BSN: variants seen among roughly 807,000 people sequenced by gnomAD.
The protein encoded by BSN is protein bassoon.
A neutral mutation model predicts 264.8 loss-of-function variants in BSN; 57 were observed. That is an observed-to-expected ratio of 0.22 (90% confidence interval 0.17 to 0.27). The LOEUF (loss-of-function observed/expected upper bound fraction) is 0.27. Ranked by LOEUF, BSN falls within the 10% of genes least tolerant of loss-of-function variation. The pLI, the probability that BSN is intolerant of heterozygous loss-of-function variation, is 1.00. For missense variants in BSN, 4,615 were observed against 5,232.5 expected, an observed-to-expected ratio of 0.88 and a Z score of 3.64; for synonymous variants, 2,059 against 2,137.3, an observed-to-expected ratio of 0.96 and a Z score of 1.01.
intron 1 of BSN, among the ~76,000 whole-genome samples, chr3:49,563,382 G>A (rs2051729886): frequency 6.6e-6 from 1 of 152,210 alleles, no homozygotes; most frequent in Admixed American, 6.5e-5. Context: ...TATCTCCTGA[G>A]TGTTGTTCCA....
Position 49,624,982 on chromosome 3 carries a change from C to A in BSN, c.232C>A (p.Arg78=). Residue 78 remains arginine (R), a synonymous_variant, in exon 2 of 12, where the codon CGG becomes AGG. Transcript: ENST00000296452. ...GPGPGPGSTS[R]RLDPKEPLGN... ...TTTTCAATGTCATTTCAGCACTTCC[C>A]GGAGACTGGACCCCAAGGAACCCCT... 1.3e-6 allele frequency: 2 copies of A among 1,515,522 alleles called. No homozygotes were observed. Among genetic ancestry groups the A allele is most frequent in the Non-Finnish European group, 1.8e-6 (2 of 1,132,738 alleles). 93.9% of individuals were successfully genotyped at this position (1,515,522 alleles called of 1,614,324 possible).
chr3:49,650,783 C>G lies in BSN; in HGVS notation c.1690C>G (p.Pro564Ala). 1 of 1,613,812 alleles carries G rather than the reference C, an allele frequency of 6.2e-7. No homozygotes were observed. Residue 564 changes from proline (P) to alanine (A), a missense_variant, in exon 4 of 12, where the codon CCT (proline) becomes GCT (alanine). This residue lies in a region of BSN where 1,197 missense variants were observed against 1,348.0 expected (regional missense o/e 0.89). Transcript: ENST00000296452. Reference protein sequence around the residue: ...KQKGPQGLGQPSGPLPAKASP... With the variant: ...KQKGPQGLGQASGPLPAKASP... ...GAAAGGGCCACAGGGGCTGGGCCAG[C>G]CTTCAGGCCCCCTGCCTGCCAAGGC...
chr3:49,579,978 T>C (rs895496996), intron 1 of BSN, among the ~76,000 whole-genome samples: 1 of 152,224 alleles, frequency 6.6e-6, no homozygotes, highest in African/African-American at 2.4e-5. Flanking sequence ...ATCCTTTCTA[T>C]ATGTCACCGG....
At chr3:49,635,567 A>G (rs1196556997) in intron 2 of BSN, among the ~76,000 whole-genome samples, 1 of 152,214 alleles carries the variant, frequency 6.6e-6, no homozygotes, top group Admixed American at 6.5e-5. Context: ...CAAAGCCACT[A>G]TCTGGATTTA....
In BSN at chr3:49,643,006, A is replaced by G; in HGVS notation, c.1372A>G (p.Met458Val). Residue 458 changes from methionine (M) to valine (V), a missense_variant, in exon 3 of 12, where the codon ATG becomes GTG. Around this residue, in one of 3 missense-constraint regions of BSN, gnomAD observed 1,197 missense variants for 1,348.0 expected, o/e 0.89. Coordinates refer to ENST00000296452, the MANE Select transcript of BSN (RefSeq NM_003458.4). ...GAAGGCTGCTGCCAAGCCAAAGACC[A>G]TGCCGAAGGAAAGGGCCATCTGCCC... ...ASKAAAKPKT[M>V]PKERAICPLC... 1 of 1,614,108 alleles carries G rather than the reference A, an allele frequency of 6.2e-7. No individual in the cohort carries two copies. The highest frequency in any genetic ancestry group is 8.5e-7 in the Non-Finnish European group (1 of 1,180,028).
chr3:49,557,005 A>G (rs1425148681), intron 1 of BSN, among the ~76,000 whole-genome samples: 2 of 152,182 alleles, frequency 1.3e-5, no homozygotes, highest in African/African-American at 2.4e-5. Context: ...CCCAGGCTGA[A>G]TTAGTCTTTT....
At position 49,625,206 on chromosome 3, in the gene BSN, C is replaced by T; in HGVS notation, c.456C>T (p.Pro152=). Residue 152 remains proline, a synonymous_variant, in exon 2 of 12, where the codon CCC becomes CCT. Transcript: ENST00000296452. This position sits in a 1 kb window ranked among gnomAD's most constrained non-coding sequence, Gnocchi z 4.4. Reference sequence around the variant, plus strand: ...TGTCACCGGACAGAGGCAGCACCCCCACATCACCCTACTCCGTCCCTCAGA... The same window carrying T: ...TGTCACCGGACAGAGGCAGCACCCCTACATCACCCTACTCCGTCCCTCAGA... ...PSVSPDRGST[P]TSPYSVPQIA... is the part of the protein sequence containing the mutation. The T allele has an allele frequency of 6.4e-7, 1 of 1,561,190 alleles. No homozygotes were observed. Among genetic ancestry groups the T allele is most frequent in the Non-Finnish European group, 8.7e-7 (1 of 1,152,954 alleles).
intron 1 of BSN, among the ~76,000 whole-genome samples, chr3:49,565,765 AATACCCAGTCC>A (rs2051747810): frequency 6.6e-6 from 1 of 152,174 alleles, no homozygotes; most frequent in African/African-American, 2.4e-5. Context: ...ACTATAACCC[AATACCCAGTCC>A]ATATTTAATT....
rs1169492904 is a variant in BSN, at chr3:49,653,159, G to A, written c.3603G>A (p.Gln1201=). The A allele has an allele frequency of 2.5e-6, 4 of 1,612,438 alleles. No homozygotes were observed. The highest frequency in any genetic ancestry group is 1.3e-5 in the African/African-American group (1 of 74,880). Reference sequence around the variant, plus strand: ...GCAAAGCTGAGCTGCTCCAGAGGCAGCAAGGCCAGGCAGCAGGGGCCCGGG... The same window carrying A: ...GCAAAGCTGAGCTGCTCCAGAGGCAACAAGGCCAGGCAGCAGGGGCCCGGG... The part of the protein sequence containing the change: ...MMRKAELLQR[Q]QGQAAGARGP... Residue 1201 remains glutamine, a synonymous_variant, in exon 5 of 12, where the codon CAG becomes CAA. Transcript: ENST00000296452. This position sits in a 1 kb window ranked among gnomAD's most constrained non-coding sequence, Gnocchi z 6.3.
rs769512110 is a variant in BSN, at chr3:49,661,821, A to T, written c.9976A>T (p.Arg3326Trp). 3.1e-6 allele frequency: 5 copies of T among 1,613,626 alleles called. No individual in the cohort carries two copies. In the East Asian group the frequency reaches 1.1e-4, roughly 36 times the overall value. The change falls in exon 6 of 12, where the codon AGG becomes TGG. Residue 3326 changes from arginine to tryptophan, a missense_variant. By Grantham distance (101) the Arg-to-Trp change is moderately radical (BLOSUM62 -3). Transcript: ENST00000296452. ...CCACTACTATGGTGACAGTGACTAC[A>T]GGCATGGGGCTCGAGTAGAGAAGTA... ...STHYYGDSDYRHGARVEKYGP... is the reference protein window; with the variant it reads ...STHYYGDSDYWHGARVEKYGP...
At chr3:49,616,049 A>G (rs1229973333) in intron 1 of BSN, among the ~76,000 whole-genome samples, 2 of 152,232 alleles carry the variant, frequency 1.3e-5, no homozygotes, top group African/African-American at 4.8e-5. Context: ...TTTATAAAAA[A>G]TATGCATTTA....
rs146570799 is a variant in BSN at position 49,663,460 on chromosome 3, C to A, written c.11302C>A (p.Pro3768Thr). 1 of 1,612,886 alleles carries A rather than the reference C, an allele frequency of 6.2e-7. No individual in the cohort carries two copies. Among genetic ancestry groups the A allele is most frequent in the Non-Finnish European group, 8.5e-7 (1 of 1,180,012 alleles). Residue 3768 changes from proline (P) to threonine (T), a missense_variant, in exon 7 of 12, where the codon CCC becomes ACC. Physicochemically the swap from Pro to Thr is conservative, Grantham distance 38. Around this residue, in one of 3 missense-constraint regions of BSN, gnomAD observed 3,415 missense variants for 3,866.4 expected, o/e 0.88. Coordinates refer to ENST00000296452, the MANE Select transcript of BSN (RefSeq NM_003458.4). ...QSQSPSSRQI[P>T]SGAASRQPQT... ...ACAGTCACCATCATCCAGGCAAATA[C>A]CCTCTGGGGCAGCATCACGCCAGCC...
intron 3 of BSN, among the ~76,000 whole-genome samples, chr3:49,649,672 C>T (rs2052525927): frequency 6.6e-6 from 1 of 152,210 alleles, no homozygotes; most frequent in South Asian, 2.1e-4. Context: ...CTGGGGGCTT[C>T]ACCATTGATA....
chr3:49,666,183 A>G (rs879740903), intron 11 of BSN, among the ~76,000 whole-genome samples: 22 of 152,214 alleles, frequency 1.4e-4, no homozygotes, highest in Non-Finnish European at 2.5e-4. Context: ...TGTGTTATCC[A>G]TGGCGGGGCC....
At chr3:49,576,018 C>T (rs1239949394) in intron 1 of BSN, among the ~76,000 whole-genome samples, 1 of 152,054 alleles carries the variant, frequency 6.6e-6, no homozygotes, top group African/African-American at 2.4e-5. Context: ...ATACTTCTCC[C>T]CACCCTCCCA....
At chr3:49,648,015 A>G (rs2052513195) in intron 3 of BSN, among the ~76,000 whole-genome samples, 1 of 152,222 alleles carries the variant, frequency 6.6e-6, no homozygotes, top group South Asian at 2.1e-4. Flanking sequence ...CTGCCAGGCA[A>G]CCTGCAACCT....
rs927885245 is a variant in BSN, at chr3:49,625,535, C to T, written c.633+152C>T. On this transcript the variant is annotated intron_variant, in intron 2 of 11. Coordinates refer to ENST00000296452, the MANE Select transcript of BSN (RefSeq NM_003458.4). This position sits in a 1 kb window ranked among gnomAD's most constrained non-coding sequence, Gnocchi z 4.4. ...CTCCTGCAGGGATGTGTCCTGGTTCCAGGATGTGGCAGCAAAGAACAGGGC... is the reference window on the plus strand; with the variant it reads ...CTCCTGCAGGGATGTGTCCTGGTTCTAGGATGTGGCAGCAAAGAACAGGGC... The T allele has an allele frequency of 6.7e-6, 5 of 746,758 alleles. No homozygotes were observed. Among genetic ancestry groups the T allele is most frequent in the Non-Finnish European group, 9.5e-6 (5 of 525,010 alleles). The allele number at this position is 746,758 out of a possible 1,614,324, so 46.3% of individuals were successfully genotyped here.
rs1208147279 is a variant in BSN, at chr3:49,655,543, A to G, written c.5987A>G (p.Tyr1996Cys). 5.0e-6 allele frequency: 8 copies of G among 1,612,874 alleles called. No individual in the cohort carries two copies. The South Asian group carries it at 7.7e-5, about 16-fold the overall frequency. ...DTNLAEAGLN[Y>C]HAQRIGQLFQ... ...AATTTGGCTGAGGCTGGCCTCAACT[A>G]CCATGCCCAGAGGATCGGGCAGCTC... The change falls in exon 5 of 12, where the codon TAC (tyrosine) becomes TGC (cysteine). Residue 1996 changes from tyrosine (Y) to cysteine (C), a missense_variant. Physicochemically the swap from Tyr to Cys is radical, Grantham distance 194 (BLOSUM62 -2). This residue lies in a region of BSN where 3,415 missense variants were observed against 3,866.4 expected (regional missense o/e 0.88). Transcript: ENST00000296452.
intron 9 of BSN, 65 bp downstream of exon 9, chr3:49,664,619 T>C: frequency 6.5e-7 from 1 of 1,549,456 alleles, no homozygotes; most frequent in South Asian, 1.2e-5. Context: ...GTCTGTGAGA[T>C]GATTCCAGAC....
Sources: gnomAD v4.1 joint callset for allele counts (sites outside exome capture counted in the v4.1 genomes callset) on GRCh38, gnomAD v4.1.1 for gene constraint, gnomAD v4.1.1 regional missense constraint, Gnocchi (gnomAD v3.1) non-coding constraint, MANE v1.5 for transcripts, NCBI Gene and HGNC (gene_info 2026-07-23, HGNC 2026-07-21) for gene names.